Variants in ZBTB48 observed in about 807,000 individuals in gnomAD.
The protein encoded by ZBTB48 is zinc finger and BTB domain containing 48, also known as zinc finger and BTB domain-containing protein 48.
ZBTB48 carries 35 observed loss-of-function variants against 64.5 expected under a neutral mutation model. The observed-to-expected ratio is 0.54, with a 90% CI of 0.41 to 0.72. The LOEUF is 0.72. ZBTB48 is among the 30% of genes least tolerant of loss of function. The pLI, the probability that ZBTB48 is intolerant of heterozygous loss-of-function variation, is 0.00. For missense variants in ZBTB48, 828 were observed against 895.3 expected (o/e 0.92, Z 0.96); for synonymous variants, 442 against 356.7 (o/e 1.24, Z -2.70).
chr1:6,589,267 T>C lies in ZBTB48; in HGVS notation c.*55T>C. On this transcript the variant is annotated 3_prime_UTR_variant, in exon 11 of 11. Coordinates refer to ENST00000377674, the MANE Select transcript of ZBTB48 (RefSeq NM_005341.4). ...CCCACCCCTCAATAAACCGTGTGGC[T>C]TTGGACTCTCGTATTTCAGCCTGAC... The C allele has an allele frequency of 6.8e-7, 1 of 1,467,550 alleles. No homozygotes were observed. The highest frequency in any genetic ancestry group is 2.5e-4 in the Middle Eastern group (1 of 3,942). The allele number at this position is 1,467,550 out of a possible 1,614,324, so 90.9% of individuals were successfully genotyped here.
Position 6,589,260 on chromosome 1 carries a change from G to A in ZBTB48, c.*48G>A, listed in dbSNP as rs939393022. 3.4e-6 allele frequency: 5 copies of A among 1,475,432 alleles called. No homozygotes were observed. The highest frequency in any genetic ancestry group is 3.6e-6 in the Non-Finnish European group (4 of 1,119,942). The allele number at this position is 1,475,432 out of a possible 1,614,324, so 91.4% of individuals were successfully genotyped here. ...ACTTGGCCCCACCCCTCAATAAACC[G>A]TGTGGCTTTGGACTCTCGTATTTCA... On this transcript the variant is annotated 3_prime_UTR_variant, in exon 11 of 11. Coordinates refer to ENST00000377674, the MANE Select transcript of ZBTB48 (RefSeq NM_005341.4).
In ZBTB48 at chr1:6,588,097, G is replaced by A. The variant is rs1481114133; in HGVS notation, c.1417G>A (p.Ala473Thr). ...ACACGTATGTGAGTTCTGCAGCCAC[G>A]CCTTCACCCAAAAGGCCAATCTCAA... ...RPHVCEFCSH[A>T]FTQKANLNMH... Residue 473 changes from alanine to threonine, a missense_variant, in exon 8 of 11, where the codon GCC (alanine) becomes ACC (threonine). By Grantham distance (58) the Ala-to-Thr change is moderately conservative (BLOSUM62 0). Coordinates refer to ENST00000377674, the MANE Select transcript of ZBTB48 (RefSeq NM_005341.4). 5.6e-6 allele frequency: 9 copies of A among 1,614,082 alleles called. No individual in the cohort carries two copies. The highest frequency in any genetic ancestry group is 2.2e-5 in the East Asian group (1 of 44,886).
chr1:6,586,488 G>T, intron 4 of ZBTB48: 1 of 1,096,754 alleles, frequency 9.1e-7, no homozygotes. Context: ...AGTCTGTCTG[G>T]GCCTGAGAAG....
At chr1:6,586,060 G>T in intron 4 of ZBTB48, 30 bp downstream of exon 4, 1 of 1,607,492 alleles carries the variant, frequency 6.2e-7, no homozygotes, top group Non-Finnish European at 8.5e-7. Flanking sequence ...GGTACTTGTG[G>T]GCAGGGCACA....
rs1209150611 is a variant in ZBTB48 at position 6,580,824 on chromosome 1, T to C, written c.215T>C (p.Ile72Thr). The stretch of plus-strand genomic sequence containing the variant: ...GTCCTCCCTGCTGGCTTCGCTGAGA[T>C]CTTTGGCCTCTTGTTGGACTTTTTC... ...SVVLPAGFAE[I>T]FGLLLDFFYT... Residue 72 changes from isoleucine to threonine, a missense_variant, in exon 2 of 11, where the codon ATC becomes ACC. Transcript: ENST00000377674. The surrounding 1 kb of genome is among the most constrained non-coding windows in gnomAD (Gnocchi z 5.2). 10 of 1,614,200 alleles carry C rather than the reference T, an allele frequency of 6.2e-6. No individual in the cohort carries two copies. Among genetic ancestry groups the C allele is most frequent in the East Asian group, 2.2e-5 (1 of 44,884 alleles).
rs550225573 is a variant in ZBTB48 at position 6,583,283 on chromosome 1, T to G, written c.932+984T>G. On this transcript the variant is annotated intron_variant, in intron 3 of 10. Coordinates refer to ENST00000377674, the MANE Select transcript of ZBTB48 (RefSeq NM_005341.4). ...GGATTACAGGTGTGAGCCACCATGC[T>G]CAGCCTATGTTGTTTTTCATTTTAT... Among the ~76,000 whole-genome samples the G allele has an allele frequency of 5.5e-4, 81 of 146,196 alleles. 1 individual carries two copies. The highest frequency in any genetic ancestry group is 1.9e-3 in the African/African-American group (76 of 39,222).
In ZBTB48 at chr1:6,583,151, C is replaced by T. The variant is rs141972224; in HGVS notation, c.932+852C>T. Among the ~76,000 whole-genome samples, 399 of 151,176 alleles carry T rather than the reference C, an allele frequency of 2.6e-3. 2 individuals carry two copies. The highest frequency in any genetic ancestry group is 9.2e-3 in the African/African-American group (379 of 41,054). ...GATTACAGGCACATGCCACCACACC[C>T]GGCTAATTTTTTGTATTTTAGTAGA... On this transcript the variant is annotated intron_variant, in intron 3 of 10. Transcript: ENST00000377674.
Position 6,587,252 on chromosome 1 carries a change from C to T in ZBTB48, c.1185C>T (p.Ser395=). The change falls in exon 6 of 11, where the codon AGC becomes AGT. Residue 395 remains serine (S), a synonymous_variant. Transcript: ENST00000377674. The part of the protein sequence containing the change: ...QQFMQKKDLQ[S]HMIKLHGAPK... The stretch of plus-strand genomic sequence containing the variant: ...TCATGCAGAAGAAGGACTTGCAGAG[C>T]CACATGATCAAACTTCATGGAGCCC... 6.2e-7 allele frequency: 1 copy of T among 1,614,072 alleles called. No homozygotes were observed. The highest frequency in any genetic ancestry group is 8.5e-7 in the Non-Finnish European group (1 of 1,180,042).
intron 4 of ZBTB48, 132 bp downstream of exon 4, chr1:6,586,162 G>C (rs984050477): frequency 1.0e-5 from 9 of 876,722 alleles, no homozygotes; most frequent in African/African-American, 1.7e-5. Context: ...GGGGTCCTTG[G>C]ATGTCATGAG....
rs1231411758 is a variant in ZBTB48, at chr1:6,589,200, C to T, written c.2055C>T (p.Asp685=). ...TCATCACAGCTGCTGTCCCCGAGGA[C>T]TGTGACACATAGCCCATTCTGGCCA... is the stretch of plus-strand genomic sequence containing the variant. ...SLIITAAVPE[D]CDT is the part of the protein sequence containing the mutation. The change falls in exon 11 of 11, where the codon GAC becomes GAT. Residue 685 remains aspartate (D), a synonymous_variant. Transcript: ENST00000377674. The T allele has an allele frequency of 3.3e-6, 5 of 1,518,744 alleles. No homozygotes were observed. Among genetic ancestry groups the T allele is most frequent in the Non-Finnish European group, 3.5e-6 (4 of 1,136,922 alleles). 94.1% of individuals were successfully genotyped at this position (1,518,744 alleles called of 1,614,324 possible). A position where few individuals can be genotyped will look rare whatever the true frequency, so the allele number is the denominator to read the frequency against.
chr1:6,584,464 C>CT lies in ZBTB48; in HGVS notation c.933-1454dup, dbSNP rs1338616918. ...CCTGCCACTCCCAGCCAAGACATCA[C>CT]TAGTCTATCATGGTGTGTTTTCTTG... On this transcript the variant is annotated intron_variant, in intron 3 of 10. Transcript: ENST00000377674. This position sits in a 1 kb window ranked among gnomAD's most constrained non-coding sequence, Gnocchi z 4.5. 6.6e-6 allele frequency among the ~76,000 whole-genome samples: 1 copy of CT among 152,200 alleles called. No individual in the cohort carries two copies. Among genetic ancestry groups the CT allele is most frequent in the African/African-American group, 2.4e-5 (1 of 41,456 alleles).
In ZBTB48 at chr1:6,586,097, G is replaced by A. The variant is rs910889451; in HGVS notation, c.1044+67G>A. On this transcript the variant is annotated intron_variant, in intron 4 of 10. Coordinates refer to ENST00000377674, the MANE Select transcript of ZBTB48 (RefSeq NM_005341.4). The stretch of plus-strand genomic sequence containing the variant: ...TGGCCTCTCTGTCTTCGTGCCATCC[G>A]GGAAGGGCCCCAGGAGACTGTCTGA... 9.3e-6 allele frequency: 14 copies of A among 1,508,092 alleles called. No homozygotes were observed. The Admixed American group carries it at 1.2e-4, about 13-fold the overall frequency. 93.4% of individuals were successfully genotyped at this position (1,508,092 alleles called of 1,614,324 possible).
Position 6,581,097 on chromosome 1 carries a change from A to T in ZBTB48, c.488A>T (p.Asp163Val). ...AGGACTCTGGGTCTAGTCCCCAGGG[A>T]TCAGGAGCCCAGAGGCAGTCATAGT... ...VSRTLGLVPR[D>V]QEPRGSHSPQ... The change falls in exon 2 of 11, where the codon GAT (aspartate) becomes GTT (valine). Residue 163 changes from aspartate to valine, a missense_variant. Coordinates refer to ENST00000377674, the MANE Select transcript of ZBTB48 (RefSeq NM_005341.4). 1 of 1,613,018 alleles carries T rather than the reference A, an allele frequency of 6.2e-7. No homozygotes were observed. The highest frequency in any genetic ancestry group is 8.5e-7 in the Non-Finnish European group (1 of 1,179,856).
intron 9 of ZBTB48, 133 bp downstream of exon 9, chr1:6,588,575 T>C: frequency 6.9e-7 from 1 of 1,441,662 alleles, no homozygotes; most frequent in South Asian, 1.4e-5. Flanking sequence ...GGACCTGCTT[T>C]GAAGGCAGGG....
At chr1:6,587,058 T>G in intron 5 of ZBTB48, 147 bp from the exon 6 acceptor site, 1 of 968,660 alleles carries the variant, frequency 1.0e-6, no homozygotes, top group Non-Finnish European at 1.6e-6. Flanking sequence ...GGCCCTCCTT[T>G]GCACCATCCT....
chr1:6,582,794 G>A (rs1204469606), intron 3 of ZBTB48, among the ~76,000 whole-genome samples: 4 of 152,166 alleles, frequency 2.6e-5, no homozygotes, highest in Non-Finnish European at 4.4e-5. Flanking sequence ...AACCTTCAGC[G>A]TCCAATAAAG....
At position 6,580,070 on chromosome 1, in the gene ZBTB48, G is replaced by A. The variant is rs2148681129; in HGVS notation, c.-136G>A. On this transcript the variant is annotated 5_prime_UTR_variant, in exon 1 of 11. Transcript: ENST00000377674. This position sits in a 1 kb window ranked among gnomAD's most constrained non-coding sequence, Gnocchi z 5.2. The stretch of plus-strand genomic sequence containing the variant: ...GCGGGGTACGCATAGCCGGGCACTA[G>A]GTTCGTGGGCTGTGGAGGCGACGGA... 5.2e-6 allele frequency: 1 copy of A among 193,800 alleles called. No individual in the cohort carries two copies. Among genetic ancestry groups the A allele is most frequent in the Admixed American group, 5.3e-5 (1 of 18,810 alleles). 12.0% of individuals were successfully genotyped at this position (193,800 alleles called of 1,614,324 possible). A position where few individuals can be genotyped will look rare whatever the true frequency, so the allele number is the denominator to read the frequency against.
At chr1:6,581,443 C>CAA (rs1353183121) in intron 2 of ZBTB48, 144 bp downstream of exon 2, 35 of 919,176 alleles carry the variant, frequency 3.8e-5, no homozygotes, top group Non-Finnish European at 5.3e-5. Flanking sequence ...GGGTGGATCA[C>CAA]TTTAGCTTGG....
rs769403068 is a variant in ZBTB48, at chr1:6,580,786, A to G, written c.177A>G (p.Ser59=). 19 of 1,614,104 alleles carry G rather than the reference A, an allele frequency of 1.2e-5. No homozygotes were observed. The highest frequency in any genetic ancestry group is 1.4e-5 in the Non-Finnish European group (16 of 1,180,038). Residue 59 remains serine, a synonymous_variant, in exon 2 of 11, where the codon TCA becomes TCG. Transcript: ENST00000377674. The surrounding 1 kb of genome is among the most constrained non-coding windows in gnomAD (Gnocchi z 5.2). ...HFFQSLYGDG[S]GGSVVLPAGF... ...TCCAGAGCCTCTACGGGGATGGCTC[A>G]GGGGGCAGTGTCGTCCTCCCTGCTG...
Sources: allele counts gnomAD v4.1 joint callset (sites outside exome capture counted in the v4.1 genomes callset), GRCh38; gene constraint gnomAD v4.1.1; non-coding constraint Gnocchi (gnomAD v3.1); transcripts MANE v1.5; gene names NCBI Gene and HGNC (gene_info 2026-07-23, HGNC 2026-07-21).